Variants in ATP6V1C2 observed in about 807,000 individuals in gnomAD.
The protein encoded by ATP6V1C2 is ATPase H+ transporting V1 subunit C2, also known as V-type proton ATPase subunit C 2.
A neutral mutation model predicts 56.8 loss-of-function variants in ATP6V1C2; 45 were observed. The observed-to-expected ratio is 0.79, with a 90% confidence interval of 0.62 to 1.02. ATP6V1C2 has a LOEUF of 1.02. Ranked by LOEUF, ATP6V1C2 falls within the 50% of genes least tolerant of loss-of-function variation. The probability of loss-of-function intolerance (pLI) is 0.00; values close to 1 mark genes in which losing one functional copy is unlikely to be tolerated. For synonymous variants in ATP6V1C2, 220 were observed against 201.3 expected (o/e 1.09, Z -0.79); for missense variants, 463 against 519.7 (o/e 0.89, Z 1.06).
chr2:10,750,695 G>T (rs1663160376), intron 3 of ATP6V1C2, among the ~76,000 whole-genome samples: 1 of 152,224 alleles, frequency 6.6e-6, no homozygotes, highest in Admixed American at 6.5e-5. Context: ...AGCAGCTGCT[G>T]TGAGTCAGGC....
rs1572601011 is a variant in ATP6V1C2 at position 10,771,859 on chromosome 2, C to T, written c.491C>T (p.Thr164Ile). 6.2e-7 allele frequency: 1 copy of T among 1,614,078 alleles called. No homozygotes were observed. ...KKSMGNLFTR[T>I]LSDIVSKEDF... Reference sequence around the variant, plus strand: ...TTTAGGGGGAACCTCTTCACCCGGACACTGAGTGATATTGTGAGCAAAGAG... The same window carrying T: ...TTTAGGGGGAACCTCTTCACCCGGATACTGAGTGATATTGTGAGCAAAGAG... The change falls in exon 7 of 14, where the codon ACA becomes ATA. Residue 164 changes from threonine (T) to isoleucine (I), a missense_variant. Transcript: ENST00000272238.
In ATP6V1C2 at chr2:10,743,467, A is replaced by G. The variant is rs73169969; in HGVS notation, c.198-10514A>G. Among the ~76,000 whole-genome samples the G allele has an allele frequency of 5.1e-3, 776 of 152,044 alleles. 11 individuals carry two copies. The highest frequency in any genetic ancestry group is 0.018 in the African/African-American group (731 of 41,472). Reference sequence around the variant, plus strand: ...TCAGATGGGTCCCTAGTTGACAAACATTGAAATGGCTTCCTGTCTTTTGTA... The same window carrying G: ...TCAGATGGGTCCCTAGTTGACAAACGTTGAAATGGCTTCCTGTCTTTTGTA... On this transcript the variant is annotated intron_variant, in intron 3 of 13. Transcript: ENST00000272238.
intron 3 of ATP6V1C2, among the ~76,000 whole-genome samples, chr2:10,748,118 G>A (rs776556750): frequency 6.6e-6 from 1 of 152,142 alleles, no homozygotes; most frequent in Non-Finnish European, 1.5e-5. Flanking sequence ...GGGTGGTCTC[G>A]AACTCCTGAC....
chr2:10,737,801 C>G (rs562063775), intron 3 of ATP6V1C2, among the ~76,000 whole-genome samples: 3 of 152,168 alleles, frequency 2.0e-5, no homozygotes, highest in African/African-American at 7.2e-5. Flanking sequence ...TCAAGCGATT[C>G]TCCTGCCTCA....
chr2:10,730,489 A>G (rs1461528898), intron 3 of ATP6V1C2, among the ~76,000 whole-genome samples: 2 of 151,702 alleles, frequency 1.3e-5, no homozygotes, highest in Non-Finnish European at 2.9e-5. Flanking sequence ...GTTGCTATTT[A>G]CCTTCTGATT....
In ATP6V1C2 at chr2:10,775,110, G is replaced by A. The variant is rs776620499; in HGVS notation, c.825+39G>A. The A allele has an allele frequency of 4.7e-6, 7 of 1,502,570 alleles. No homozygotes were observed. The Admixed American group carries it at 5.0e-5, about 11-fold the overall frequency. 93.1% of individuals were successfully genotyped at this position (1,502,570 alleles called of 1,614,324 possible). On this transcript the variant is annotated intron_variant, in intron 10 of 13. Transcript: ENST00000272238. The stretch of plus-strand genomic sequence containing the variant: ...TGAGCAGCTCCTCCCGCCCCTACCC[G>A]GAGGCCTGGGGATAGAAGAGTCCTC...
chr2:10,760,358 G>A (rs909283704), intron 4 of ATP6V1C2, among the ~76,000 whole-genome samples: 3 of 151,650 alleles, frequency 2.0e-5, no homozygotes, highest in South Asian at 2.1e-4. Context: ...GCGACAGAAC[G>A]AGATCCATTT....
chr2:10,754,641 C>T (rs572521477), intron 4 of ATP6V1C2, among the ~76,000 whole-genome samples: 31 of 151,016 alleles, frequency 2.1e-4, no homozygotes, highest in African/African-American at 7.6e-4. Flanking sequence ...GGCGCAATCT[C>T]GGCTCACTGC....
At chr2:10,768,950 A>T in intron 6 of ATP6V1C2, 140 bp downstream of exon 6, 2 of 686,470 alleles carry the variant, frequency 2.9e-6, no homozygotes, top group Non-Finnish European at 5.0e-6. Flanking sequence ...AGGCACTCTC[A>T]CCTCTCCAAG....
chr2:10,772,394 A>AT, intron 7 of ATP6V1C2, 148 bp from the exon 8 acceptor site: 1 of 730,802 alleles, frequency 1.4e-6, no homozygotes, highest in Non-Finnish European at 2.5e-6. Context: ...TGGGAACAGC[A>AT]GACCTCAGGG....
Position 10,783,327 on chromosome 2 carries a change from G to A in ATP6V1C2, c.*64G>A, listed in dbSNP as rs992209905. The stretch of plus-strand genomic sequence containing the variant: ...TTATTACAGACACCTCTTTCCTTTA[G>A]CCAGAGAATGGTTCAAATGTCTTAC... On this transcript the variant is annotated 3_prime_UTR_variant, in exon 14 of 14. Transcript: ENST00000272238. The A allele has an allele frequency of 2.7e-6, 3 of 1,116,664 alleles. No homozygotes were observed. The highest frequency in any genetic ancestry group is 2.7e-6 in the Non-Finnish European group (2 of 740,892). 69.2% of individuals were successfully genotyped at this position (1,116,664 alleles called of 1,614,324 possible).
chr2:10,782,391 C>T lies in ATP6V1C2; in HGVS notation c.1194+16C>T, dbSNP rs1197841670. The T allele has an allele frequency of 2.5e-6, 4 of 1,612,844 alleles. No individual in the cohort carries two copies. The highest frequency in any genetic ancestry group is 3.4e-6 in the Non-Finnish European group (4 of 1,179,556). On this transcript the variant is annotated intron_variant, in intron 13 of 13. Transcript: ENST00000272238. ...TATACTGGATGTAGGTATCCAGAAACAGCAGTATTTCTACAGTAAGCTCAG... is the reference window on the plus strand; with the variant it reads ...TATACTGGATGTAGGTATCCAGAAATAGCAGTATTTCTACAGTAAGCTCAG...
At chr2:10,756,919 A>G (rs1470317768) in intron 4 of ATP6V1C2, among the ~76,000 whole-genome samples, 1 of 148,962 alleles carries the variant, frequency 6.7e-6, no homozygotes, top group Non-Finnish European at 1.5e-5. Context: ...GACTGTTTAC[A>G]CTATATGTTT....
At chr2:10,770,883 A>G (rs1463983680) in intron 6 of ATP6V1C2, among the ~76,000 whole-genome samples, 2 of 152,172 alleles carry the variant, frequency 1.3e-5, no homozygotes, top group Non-Finnish European at 1.5e-5. Context: ...ATACAATACA[A>G]TTTTTGCACT....
intron 8 of ATP6V1C2, 104 bp from the exon 9 acceptor site, chr2:10,774,684 T>C (rs1348648447): frequency 3.2e-6 from 3 of 926,748 alleles, no homozygotes; most frequent in South Asian, 2.9e-5. Flanking sequence ...CCTCAGCTGC[T>C]GCCATGGACC....
intron 5 of ATP6V1C2, among the ~76,000 whole-genome samples, chr2:10,765,542 C>T (rs1055319270): frequency 1.3e-4 from 20 of 152,374 alleles, no homozygotes; most frequent in African/African-American, 3.6e-4. Flanking sequence ...TCCTGCAGGT[C>T]TCCTGGAAAG....
chr2:10,776,708 C>T (rs1284954899), intron 10 of ATP6V1C2, among the ~76,000 whole-genome samples: 1 of 152,190 alleles, frequency 6.6e-6, no homozygotes, highest in Non-Finnish European at 1.5e-5. Context: ...TGCTGGGGGA[C>T]AGGTGGCGAA....
rs911454993 is a variant in ATP6V1C2 at position 10,754,156 on chromosome 2, G to T, written c.283+90G>T. ...TTGCTGTGGCCACACAGCAATCACC[G>T]AGATGGCCCAGGTCTCAGTGGATGC... On this transcript the variant is annotated intron_variant, in intron 4 of 13. Coordinates refer to ENST00000272238, the MANE Select transcript of ATP6V1C2 (RefSeq NM_001039362.2). 10 of 1,094,816 alleles carry T rather than the reference G, an allele frequency of 9.1e-6. No individual in the cohort carries two copies. The African/African-American group carries it at 1.1e-4, about 12-fold the overall frequency. The allele number at this position is 1,094,816 out of a possible 1,614,324, so 67.8% of individuals were successfully genotyped here.
Position 10,772,840 on chromosome 2 carries a change from G to T in ATP6V1C2, c.638+230G>T, listed in dbSNP as rs569959652. Among the ~76,000 whole-genome samples the T allele has an allele frequency of 1.0e-3, 158 of 152,326 alleles. 1 individual carries two copies. The Middle Eastern group carries it at 0.017, about 16-fold the overall frequency. ...TCCCTGCCCCTGCCCTGGGAAGGCTGCCCTGGCCCCACCTGGCCGAGCAGC... is the reference window on the plus strand; with the variant it reads ...TCCCTGCCCCTGCCCTGGGAAGGCTTCCCTGGCCCCACCTGGCCGAGCAGC... On this transcript the variant is annotated intron_variant, in intron 8 of 13. Transcript: ENST00000272238.
Sources: gnomAD v4.1 joint callset for allele counts (sites outside exome capture counted in the v4.1 genomes callset) on GRCh38, gnomAD v4.1.1 for gene constraint, MANE v1.5 for transcripts, NCBI Gene and HGNC (gene_info 2026-07-23, HGNC 2026-07-21) for gene names.